Variants in CNTN3 observed in about 807,000 individuals in gnomAD.
CNTN3 encodes contactin 3.
CNTN3 carries 60 observed loss-of-function variants against 119.1 expected under a neutral mutation model. The observed-to-expected ratio is 0.50, with a 90% CI of 0.41 to 0.62. The LOEUF (loss-of-function observed/expected upper bound fraction) is 0.62. CNTN3 is among the 20% of genes least tolerant of loss of function. The probability of loss-of-function intolerance (pLI) is 0.00; values close to 1 mark genes in which losing one functional copy is unlikely to be tolerated. For missense variants in CNTN3, 1,101 were observed against 1,242.4 expected, an observed-to-expected ratio of 0.89 and a Z score of 1.71; for synonymous variants, 450 against 438.7, an observed-to-expected ratio of 1.03 and a Z score of -0.32.
intron 4 of CNTN3, 41 bp from the exon 5 acceptor site, chr3:74,424,981 A>G (rs757698161): frequency 7.3e-7 from 1 of 1,362,302 alleles, no homozygotes; most frequent in Non-Finnish European, 1.0e-6. Context: ...TAGAAAGACC[A>G]ATTAAATCAC....
intron 20 of CNTN3, among the ~76,000 whole-genome samples, chr3:74,281,468 G>A (rs2106773938): frequency 1.3e-5 from 2 of 152,122 alleles, no homozygotes; most frequent in East Asian, 3.9e-4. Context: ...CTGAGTAGCT[G>A]GGAGTACAGG....
intron 12 of CNTN3, 151 bp from the exon 13 acceptor site, chr3:74,335,061 ATT>A: frequency 2.1e-6 from 1 of 485,460 alleles, no homozygotes; most frequent in Non-Finnish European, 3.6e-6. Flanking sequence ...AGTATTCAAC[ATT>A]AAAAGAGGCA....
chr3:74,498,313 A>T (rs558704321), intron 3 of CNTN3, among the ~76,000 whole-genome samples: 1 of 152,008 alleles, frequency 6.6e-6, no homozygotes, highest in South Asian at 2.1e-4. Context: ...CATAAGAAGA[A>T]AATATTTCCA....
At chr3:74,488,621 GT>G (rs1702903966) in intron 3 of CNTN3, among the ~76,000 whole-genome samples, 1 of 152,162 alleles carries the variant, frequency 6.6e-6, no homozygotes, top group South Asian at 2.1e-4. Flanking sequence ...GAGTTTATAA[GT>G]TTAATCCTTA....
At chr3:74,588,258 T>A (rs1226363263) in intron 1 of CNTN3, among the ~76,000 whole-genome samples, 2 of 152,068 alleles carry the variant, frequency 1.3e-5, no homozygotes, top group African/African-American at 2.4e-5. Flanking sequence ...TTCAGCAAAC[T>A]CTCAGGATAA....
At chr3:74,274,562 T>C (rs114157754) in intron 20 of CNTN3, among the ~76,000 whole-genome samples, 2,275 of 152,090 alleles carry the variant, frequency 0.015, 60 homozygotes, top group African/African-American at 0.051. Flanking sequence ...AAACAATCAC[T>C]ACAGCTTGGC....
At chr3:74,265,820 C>T (rs1240054869) in intron 22 of CNTN3, among the ~76,000 whole-genome samples, 2 of 152,082 alleles carry the variant, frequency 1.3e-5, no homozygotes, top group African/African-American at 4.8e-5. Context: ...ATGGACTCTA[C>T]AATAGTTAAA....
intron 4 of CNTN3, among the ~76,000 whole-genome samples, chr3:74,430,719 T>C (rs1174459582): frequency 6.6e-6 from 1 of 152,178 alleles, no homozygotes. Flanking sequence ...TTCTTGACTG[T>C]GTTGGTCAAC....
chr3:74,461,717 A>C (rs775709051), intron 4 of CNTN3, among the ~76,000 whole-genome samples: 5 of 152,092 alleles, frequency 3.3e-5, no homozygotes, highest in Non-Finnish European at 4.4e-5. Flanking sequence ...GACAATAACT[A>C]AAATGGTTTG....
chr3:74,279,745 T>A (rs1014145248), intron 20 of CNTN3, among the ~76,000 whole-genome samples: 1 of 152,058 alleles, frequency 6.6e-6, no homozygotes, highest in African/African-American at 2.4e-5. Context: ...CTAAAAAACT[T>A]ACTCATATAA....
intron 4 of CNTN3, among the ~76,000 whole-genome samples, chr3:74,452,009 G>C (rs1428390290): frequency 1.3e-4 from 19 of 141,218 alleles, no homozygotes; most frequent in Non-Finnish European, 1.8e-4. Context: ...CTCTTTTTTG[G>C]TTCCATATGA....
At chr3:74,594,455 C>A (rs1443171582) in intron 1 of CNTN3, among the ~76,000 whole-genome samples, 1 of 151,750 alleles carries the variant, frequency 6.6e-6, no homozygotes, top group Non-Finnish European at 1.5e-5. Flanking sequence ...CCCCCCACCC[C>A]ACAACACTCC....
intron 1 of CNTN3, among the ~76,000 whole-genome samples, chr3:74,607,341 T>C (rs1467008707): frequency 2.0e-5 from 3 of 152,212 alleles, no homozygotes; most frequent in Non-Finnish European, 1.5e-5. Context: ...CTAGCTATAT[T>C]GTTCGGGTTG....
intron 13 of CNTN3, among the ~76,000 whole-genome samples, chr3:74,311,172 A>C (rs1378325114): frequency 6.6e-6 from 1 of 152,156 alleles, no homozygotes; most frequent in Non-Finnish European, 1.5e-5. Flanking sequence ...AGAGAGAATA[A>C]ATTTATACCT....
chr3:74,442,172 CACACAGAGAGAG>C (rs1701977589), intron 4 of CNTN3, among the ~76,000 whole-genome samples: 2 of 112,960 alleles, frequency 1.8e-5, no homozygotes, highest in African/African-American at 6.0e-5. Flanking sequence ...CACACACACA[CACACAGAGAGAG>C]AGAGATTATT....
intron 1 of CNTN3, among the ~76,000 whole-genome samples, chr3:74,566,246 C>G (rs966746412): frequency 2.0e-5 from 3 of 152,008 alleles, no homozygotes; most frequent in Non-Finnish European, 4.4e-5. Context: ...GGAAACCAAC[C>G]TAAGATGGTG....
chr3:74,582,199 G>A (rs569554537), intron 1 of CNTN3, among the ~76,000 whole-genome samples: 50 of 152,242 alleles, frequency 3.3e-4, no homozygotes, highest in African/African-American at 1.2e-3. Context: ...AAGGTCAGGA[G>A]ATGGGGAACA....
intron 1 of CNTN3, among the ~76,000 whole-genome samples, chr3:74,574,610 A>G (rs1245522844): frequency 6.6e-6 from 1 of 152,204 alleles, no homozygotes; most frequent in Non-Finnish European, 1.5e-5. Context: ...CATGGAAGTC[A>G]TGCTGTTTTT....
intron 11 of CNTN3, among the ~76,000 whole-genome samples, chr3:74,359,434 G>T (rs1006352564): frequency 1.3e-5 from 2 of 152,078 alleles, no homozygotes; most frequent in Non-Finnish European, 2.9e-5. Context: ...CTGATCTAAT[G>T]ACACTAAATT....
Sources: allele counts gnomAD v4.1 joint callset (sites outside exome capture counted in the v4.1 genomes callset), GRCh38; gene constraint gnomAD v4.1.1; transcripts MANE v1.5; gene names NCBI Gene and HGNC (gene_info 2026-07-23, HGNC 2026-07-21).